Variants in AATK observed in about 807,000 individuals in gnomAD.
AATK encodes the protein serine/threonine-protein kinase LMTK1.
Under a neutral mutation model 114.3 loss-of-function variants are expected in AATK, and 91 were observed. The observed-to-expected ratio is 0.80, with a 90% CI of 0.67 to 0.95. The LOEUF is 0.95. Ranked by LOEUF, AATK falls within the 40% of genes least tolerant of loss-of-function variation. The probability of loss-of-function intolerance (pLI) is 0.00; values close to 1 mark genes in which losing one functional copy is unlikely to be tolerated. For missense variants in AATK, 2,176 were observed against 1,965.2 expected, an observed-to-expected ratio of 1.11 and a Z score of -2.03; for synonymous variants, 1,075 against 916.5, an observed-to-expected ratio of 1.17 and a Z score of -3.12.
rs1403286182 is a variant in AATK at position 81,120,439 on chromosome 17, T to A, written c.3497A>T (p.Glu1166Val). ...GRPEEEEEDS[E>V]DSDESDEELR... is the part of the protein sequence containing the mutation. ...CTCCTCGTCAGACTCGTCGCTGTCC[T>A]CACTGTCCTCCTCCTCCTCCTCCGG... Residue 1166 changes from glutamate (E) to valine (V), a missense_variant, in exon 11 of 14, where the codon GAG (glutamate) becomes GTG (valine). Coordinates refer to ENST00000326724, the MANE Select transcript of AATK (RefSeq NM_001080395.3). 1 of 1,572,090 alleles carries A rather than the reference T, an allele frequency of 6.4e-7. No individual in the cohort carries two copies. Among genetic ancestry groups the A allele is most frequent in the Non-Finnish European group, 8.7e-7 (1 of 1,155,330 alleles).
Position 81,120,951 on chromosome 17 carries a change from A to G in AATK, c.2985T>C (p.Ser995=). ...CAGCCTCGAGGTCTGAGAAGTAGGC[A>G]GAGTCTCGGTAGGGATTCTTCTCGT... ...GLNEKNPYRD[S]AYFSDLEAEA... is the part of the protein sequence containing the mutation. The change falls in exon 11 of 14, where the codon TCT becomes TCC. Residue 995 remains serine, a synonymous_variant. Transcript: ENST00000326724. The G allele has an allele frequency of 6.2e-7, 1 of 1,608,758 alleles. No homozygotes were observed. Among genetic ancestry groups the G allele is most frequent in the South Asian group, 1.1e-5 (1 of 90,188 alleles).
rs1023793942 is a variant in AATK at position 81,120,370 on chromosome 17, T to G, written c.3566A>C (p.Glu1189Ala). 2 of 1,609,166 alleles carry G rather than the reference T, an allele frequency of 1.2e-6. No homozygotes were observed. The highest frequency in any genetic ancestry group is 1.7e-6 in the Non-Finnish European group (2 of 1,178,562). Residue 1189 changes from glutamate (E) to alanine (A), a missense_variant, in exon 11 of 14, where the codon GAG becomes GCG. Transcript: ENST00000326724. Reference protein sequence around the residue: ...SVQEPSEDSEEEAPAVPVVVA... With the variant: ...SVQEPSEDSEAEAPAVPVVVA... ...CACCACGGGCACCGCCGGCGCCTCCTCTTCGCTGTCCTCGCTAGGCTCCTG... is the reference window on the plus strand; with the variant it reads ...CACCACGGGCACCGCCGGCGCCTCCGCTTCGCTGTCCTCGCTAGGCTCCTG...
Position 81,121,499 on chromosome 17 carries a change from C to T in AATK, c.2437G>A (p.Glu813Lys). The T allele has an allele frequency of 7.7e-6, 12 of 1,554,582 alleles. No homozygotes were observed. The highest frequency in any genetic ancestry group is 8.7e-6 in the Non-Finnish European group (10 of 1,148,186). Residue 813 changes from glutamate (E) to lysine (K), a missense_variant, in exon 11 of 14, where the codon GAG becomes AAG. Around this residue, in one of 4 missense-constraint regions of AATK, gnomAD observed 1,701 missense variants for 1,394.7 expected, o/e 1.22. Coordinates refer to ENST00000326724, the MANE Select transcript of AATK (RefSeq NM_001080395.3). ...SQEGAPLPSE[E>K]ASAPDAPDAL... ...TCAGGGGCGTCGGGGGCACTGGCCT[C>T]CTCCGAGGGAAGTGGGGCTCCCTCC... is the stretch of plus-strand genomic sequence containing the variant.
chr17:81,165,429 A>C, intron 1 of AATK: 1 of 327,746 alleles, frequency 3.1e-6, no homozygotes, highest in Non-Finnish European at 6.0e-6. Context: ...GCCTCTGCCC[A>C]CTGGGCTCTG....
chr17:81,127,985 AC>A, intron 4 of AATK, 75 bp from the exon 5 acceptor site: 1 of 1,515,790 alleles, frequency 6.6e-7, no homozygotes, highest in Non-Finnish European at 8.9e-7. Context: ...CTCTTCTCCC[AC>A]CCGCCCCACG....
At chr17:81,134,164 G>A (rs1054947820) in intron 2 of AATK, among the ~76,000 whole-genome samples, 1 of 152,172 alleles carries the variant, frequency 6.6e-6, no homozygotes, top group African/African-American at 2.4e-5. Flanking sequence ...CCTCAAAGTC[G>A]AGGAAGCTGG....
chr17:81,127,173 C>A (rs2060849042), intron 6 of AATK, among the ~76,000 whole-genome samples: 1 of 151,870 alleles, frequency 6.6e-6, no homozygotes, highest in African/African-American at 2.4e-5. Context: ...ATGGGCAGGC[C>A]CAGAACTCCA....
chr17:81,155,674 G>A (rs191007043), intron 1 of AATK, among the ~76,000 whole-genome samples: 9 of 149,694 alleles, frequency 6.0e-5, no homozygotes, highest in South Asian at 2.1e-4. Context: ...ATGAGCCAGC[G>A]CGCCCGACCT....
chr17:81,165,913 G>C (rs576676746), intron 1 of AATK, 25 bp downstream of exon 1: 664 of 1,567,334 alleles, frequency 4.2e-4, no homozygotes, highest in Non-Finnish European at 5.3e-4. Flanking sequence ...GCAGCGGCGC[G>C]CAGGCCGGGC....
intron 1 of AATK, among the ~76,000 whole-genome samples, chr17:81,144,709 G>A (rs947414385): frequency 3.9e-5 from 6 of 152,374 alleles, no homozygotes; most frequent in South Asian, 4.1e-4. Flanking sequence ...AGCCCAGCTC[G>A]CTCCTGTGAA....
At position 81,134,400 on chromosome 17, in the gene AATK, G is replaced by A. The variant is rs373652899; in HGVS notation, c.157C>T (p.Leu53=). ...FAVIVLMLAC[L]CCKKGGIGFK... ...CCGATACCGCCCTTCTTACAGCACA[G>A]GCAGGCCAGCATGAGGACGATGACG... Residue 53 remains leucine (L), a synonymous_variant, in exon 2 of 14, where the codon CTG becomes TTG. Transcript: ENST00000326724. The A allele has an allele frequency of 1.2e-6, 2 of 1,613,192 alleles. No individual in the cohort carries two copies. Among genetic ancestry groups the A allele is most frequent in the East Asian group, 2.2e-5 (1 of 44,892 alleles).
intron 2 of AATK, among the ~76,000 whole-genome samples, chr17:81,133,807 C>T (rs1435451208): frequency 3.9e-5 from 6 of 152,122 alleles, no homozygotes; most frequent in Non-Finnish European, 8.8e-5. Flanking sequence ...TCACCCTTGG[C>T]GGGGCTCCCT....
Position 81,120,231 on chromosome 17 carries a change from G to A in AATK, c.3705C>T (p.Phe1235=), listed in dbSNP as rs755368457. Residue 1235 remains phenylalanine, a synonymous_variant, in exon 11 of 14, where the codon TTC becomes TTT. Coordinates refer to ENST00000326724, the MANE Select transcript of AATK (RefSeq NM_001080395.3). ...CAAAGAGGTAGACGGTGACGTCGTC[G>A]AAGAAGGACACGGCCTTCTTCTTGC... is the stretch of plus-strand genomic sequence containing the variant. ...LERKKKAVSF[F]DDVTVYLFDQ... is the part of the protein sequence containing the mutation. 18 of 1,588,474 alleles carry A rather than the reference G, an allele frequency of 1.1e-5. No homozygotes were observed. The highest frequency in any genetic ancestry group is 2.7e-5 in the African/African-American group (2 of 74,388).
rs1240496228 is a variant in AATK, at chr17:81,166,129, C to T, written c.-137G>A. 2 of 356,886 alleles carry T rather than the reference C, an allele frequency of 5.6e-6. No individual in the cohort carries two copies. The highest frequency in any genetic ancestry group is 3.8e-6 in the Non-Finnish European group (1 of 260,712). The allele number at this position is 356,886 out of a possible 1,614,324, so 22.1% of individuals were successfully genotyped here. A position where few individuals can be genotyped will look rare whatever the true frequency, so the allele number is the denominator to read the frequency against. ...CGGCCCCCGCGCCCCGCGCCCCCCGCCGCAGCCGCAGAGCCCGCACCGGTG... is the reference window on the plus strand; with the variant it reads ...CGGCCCCCGCGCCCCGCGCCCCCCGTCGCAGCCGCAGAGCCCGCACCGGTG... On this transcript the variant is annotated 5_prime_UTR_variant, in exon 1 of 14. Coordinates refer to ENST00000326724, the MANE Select transcript of AATK (RefSeq NM_001080395.3).
intron 1 of AATK, among the ~76,000 whole-genome samples, chr17:81,161,283 C>T (rs1464521176): frequency 6.6e-6 from 1 of 152,024 alleles, no homozygotes; most frequent in Non-Finnish European, 1.5e-5. Context: ...GCACAGCGGC[C>T]CCAGGTGCTC....
chr17:81,138,545 T>C (rs4969400), intron 1 of AATK, among the ~76,000 whole-genome samples: 113,775 of 144,990 alleles, frequency 0.78, 44,338 homozygotes, highest in East Asian at 0.93. Context: ...CACGTTCGCG[T>C]GCACACACGT....
At position 81,117,641 on chromosome 17, in the gene AATK, G is replaced by A. The variant is rs2060582238; in HGVS notation, c.*761C>T. On this transcript the variant is annotated 3_prime_UTR_variant, in exon 14 of 14. Coordinates refer to ENST00000326724, the MANE Select transcript of AATK (RefSeq NM_001080395.3). ...GGACCAGATACTGCCCCACAGAGGGGAGCTGCCTGCACGGTCCTGCCAAGG... is the reference window on the plus strand; with the variant it reads ...GGACCAGATACTGCCCCACAGAGGGAAGCTGCCTGCACGGTCCTGCCAAGG... 6.6e-6 allele frequency: 1 copy of A among 152,256 alleles called. No homozygotes were observed. Among genetic ancestry groups the A allele is most frequent in the Non-Finnish European group, 1.5e-5 (1 of 68,092 alleles). 9.4% of individuals were successfully genotyped at this position (152,256 alleles called of 1,614,324 possible).
rs777627042 is a variant in AATK at position 81,119,439 on chromosome 17, G to T, written c.4025C>A (p.Ala1342Glu). Residue 1342 changes from alanine to glutamate, a missense_variant, in exon 13 of 14, where the codon GCG (alanine) becomes GAG (glutamate). This residue lies in a region of AATK where 1,701 missense variants were observed against 1,394.7 expected (regional missense o/e 1.22). Transcript: ENST00000326724. Reference protein sequence around the residue: ...APFSRFTVSPAPTSRFSITHV... With the variant: ...APFSRFTVSPEPTSRFSITHV... ...CGTGATGGAGAAGCGGGACGTGGGC[G>T]CGGGCGACACCGTGAAGCGCGAGAA... 5.3e-6 allele frequency: 8 copies of T among 1,521,030 alleles called. No individual in the cohort carries two copies. Among genetic ancestry groups the T allele is most frequent in the Non-Finnish European group, 6.1e-6 (7 of 1,140,988 alleles). The allele number at this position is 1,521,030 out of a possible 1,614,324, so 94.2% of individuals were successfully genotyped here. A position where few individuals can be genotyped will look rare whatever the true frequency, so the allele number is the denominator to read the frequency against.
chr17:81,127,267 C>A (rs907361571), intron 6 of AATK, among the ~76,000 whole-genome samples: 16 of 125,568 alleles, frequency 1.3e-4, no homozygotes, highest in Non-Finnish European at 1.9e-4. Flanking sequence ...TGGGCCAGTG[C>A]CCCCCCCCAG....
Sources: gnomAD v4.1 joint callset for allele counts (sites outside exome capture counted in the v4.1 genomes callset) on GRCh38, gnomAD v4.1.1 for gene constraint, gnomAD v4.1.1 regional missense constraint, MANE v1.5 for transcripts, NCBI Gene and HGNC (gene_info 2026-07-23, HGNC 2026-07-21) for gene names.